FBLN7: variants seen among roughly 807,000 people sequenced by gnomAD.
The protein encoded by FBLN7 is fibulin 7, also known as fibulin-7.
In FBLN7, 31 loss-of-function variants were observed where a neutral mutation model predicts 44.0. The ratio of observed to expected loss-of-function variants is 0.70; its 90% CI spans 0.53 to 0.95. The LOEUF (loss-of-function observed/expected upper bound fraction) is 0.95. Among genes scored for constraint, FBLN7 ranks in the 40% least tolerant of loss-of-function variants. The pLI, the probability that FBLN7 is intolerant of heterozygous loss-of-function variation, is 0.00. For missense variants in FBLN7, 573 were observed against 618.5 expected, an observed-to-expected ratio of 0.93 and a Z score of 0.78; for synonymous variants, 262 against 253.4, an observed-to-expected ratio of 1.03 and a Z score of -0.32.
At chr2:112,188,780 G>A (rs1410351025), downstream of FBLN7, 1 of 152,182 alleles carries the variant, frequency 6.6e-6, no homozygotes, top group Non-Finnish European at 1.5e-5. Flanking sequence ...TTGTACTGTT[G>A]TTTGGACAAA....
Position 112,181,930 on chromosome 2 carries a change from G to A in FBLN7, c.670+54G>A, listed in dbSNP as rs1400575900. The A allele has an allele frequency of 7.3e-6, 11 of 1,508,422 alleles. No homozygotes were observed. In the East Asian group the frequency reaches 7.7e-5, roughly 11 times the overall value. The allele number at this position is 1,508,422 out of a possible 1,614,324, so 93.4% of individuals were successfully genotyped here. On this transcript the variant is annotated intron_variant, in intron 5 of 7. Coordinates refer to ENST00000331203, the MANE Select transcript of FBLN7 (RefSeq NM_153214.3). Reference sequence around the variant, plus strand: ...GGACAGCACGGGGAGGACATGGGGCGGGGAAGGGGCTCTCACCCACCGCCC... The same window carrying A: ...GGACAGCACGGGGAGGACATGGGGCAGGGAAGGGGCTCTCACCCACCGCCC...
chr2:112,148,355 G>A (rs1680987981), intron 1 of FBLN7, among the ~76,000 whole-genome samples: 1 of 152,208 alleles, frequency 6.6e-6, no homozygotes, highest in Non-Finnish European at 1.5e-5. Context: ...TAATACTAAT[G>A]CATGAAGATG....
the FBLN7 span, among the ~76,000 whole-genome samples, chr2:112,223,135 C>T: frequency 6.6e-6 from 1 of 151,896 alleles, no homozygotes; most frequent in East Asian, 1.9e-4. Context: ...GGAGGGATAG[C>T]ATTAGGAGAT....
chr2:112,154,149 A>G (rs944943543), intron 1 of FBLN7, among the ~76,000 whole-genome samples: 2 of 152,194 alleles, frequency 1.3e-5, no homozygotes. Context: ...GTAAACCTTG[A>G]TATTTTTCTA....
At chr2:112,234,028 G>T in the FBLN7 span, 2 of 732,630 alleles carry the variant, frequency 2.7e-6, no homozygotes, top group African/African-American at 1.9e-5. Context: ...GAATGAAACA[G>T]CTTTAAAAAC....
chr2:112,226,666 T>G, the FBLN7 span, among the ~76,000 whole-genome samples: 3 of 151,438 alleles, frequency 2.0e-5, no homozygotes, highest in African/African-American at 7.3e-5. Context: ...TTTTCATGAA[T>G]TCTTCCAGAA....
the FBLN7 span, among the ~76,000 whole-genome samples, chr2:112,210,140 G>C: frequency 6.6e-6 from 1 of 151,976 alleles, no homozygotes; most frequent in Non-Finnish European, 1.5e-5. Flanking sequence ...CCCAAGCAGA[G>C]TGAGGGCAGT....
At chr2:112,179,229 T>C (rs1171160201) in intron 4 of FBLN7, among the ~76,000 whole-genome samples, 1 of 152,088 alleles carries the variant, frequency 6.6e-6, no homozygotes, top group Non-Finnish European at 1.5e-5. Context: ...AAGACAATCC[T>C]ATTCACAATT....
intron 2 of FBLN7, among the ~76,000 whole-genome samples, chr2:112,161,660 C>T (rs888534079): frequency 6.6e-6 from 1 of 151,044 alleles, no homozygotes; most frequent in Non-Finnish European, 1.5e-5. Context: ...TTCCCCTGCC[C>T]ATGTGAGAGG....
At chr2:112,196,083 G>T in the FBLN7 span, among the ~76,000 whole-genome samples, 1 of 152,238 alleles carries the variant, frequency 6.6e-6, no homozygotes, top group Non-Finnish European at 1.5e-5. Flanking sequence ...CAGTGTGGAG[G>T]TTGCCCTGTC....
chr2:112,170,491 C>T (rs1682402223), intron 3 of FBLN7, among the ~76,000 whole-genome samples: 2 of 148,862 alleles, frequency 1.3e-5, no homozygotes, highest in African/African-American at 2.5e-5. Flanking sequence ...CATGCTACTG[C>T]ACTCCAGCCT....
intron 2 of FBLN7, among the ~76,000 whole-genome samples, chr2:112,160,054 G>T (rs569489764): frequency 2.6e-4 from 40 of 152,058 alleles, no homozygotes; most frequent in Non-Finnish European, 3.8e-4. Context: ...GCAGTGGCGC[G>T]ATCTCGGCTC....
the FBLN7 span, among the ~76,000 whole-genome samples, chr2:112,222,410 C>T: frequency 6.6e-6 from 1 of 152,082 alleles, no homozygotes; most frequent in African/African-American, 2.4e-5. Context: ...GAGTTGCCTG[C>T]CCTGCTGTCT....
At chr2:112,233,524 C>T in the FBLN7 span, among the ~76,000 whole-genome samples, 2 of 151,374 alleles carry the variant, frequency 1.3e-5, no homozygotes, top group Non-Finnish European at 3.0e-5. Context: ...ATTATAACCA[C>T]ATCACATATA....
intron 1 of FBLN7, among the ~76,000 whole-genome samples, chr2:112,145,218 T>A (rs1680847063): frequency 6.6e-6 from 1 of 152,236 alleles, no homozygotes; most frequent in Admixed American, 6.5e-5. Flanking sequence ...TCTCTTCATG[T>A]GATTATTTGC....
the FBLN7 span, among the ~76,000 whole-genome samples, chr2:112,228,500 C>CAAA: frequency 1.3e-5 from 1 of 77,070 alleles, no homozygotes; most frequent in African/African-American, 5.0e-5. Context: ...GACTCTGTCT[C>CAAA]AAAAAAAAAA....
At chr2:112,173,098 C>T (rs1253573242) in intron 3 of FBLN7, among the ~76,000 whole-genome samples, 2 of 152,184 alleles carry the variant, frequency 1.3e-5, no homozygotes, top group Non-Finnish European at 2.9e-5. Context: ...AAGAGATGGT[C>T]ATCCAGACAA....
the FBLN7 span, chr2:112,214,650 A>T: frequency 6.6e-6 from 1 of 152,220 alleles, no homozygotes. Flanking sequence ...CTCTTGGTTC[A>T]GGGAACGGCA....
At chr2:112,195,679 T>C in the FBLN7 span, among the ~76,000 whole-genome samples, 452 of 152,260 alleles carry the variant, frequency 3.0e-3, 5 homozygotes, top group Admixed American at 0.011. Context: ...AACGTGGTTA[T>C]GATTTAAGTA....
Sources: allele counts gnomAD v4.1 joint callset (sites outside exome capture counted in the v4.1 genomes callset), GRCh38; gene constraint gnomAD v4.1.1; transcripts MANE v1.5; gene names NCBI Gene and HGNC (gene_info 2026-07-23, HGNC 2026-07-21).